Variants in PAH observed in about 807,000 individuals in gnomAD.
The protein encoded by PAH is phenylalanine hydroxylase.
A neutral mutation model predicts 62.0 loss-of-function variants in PAH; 64 were observed. The observed-to-expected ratio is 1.03, with a 90% CI of 0.84 to 1.27. PAH has a LOEUF of 1.27. PAH is among the 50% of genes most tolerant of loss of function. The pLI, the probability that PAH is intolerant of heterozygous loss-of-function variation, is 0.00. For synonymous variants in PAH, 195 were observed against 196.2 expected (o/e 0.99, Z 0.05); for missense variants, 579 against 542.8 (o/e 1.07, Z -0.66).
chr12:102,862,464 A>T (rs1875770540), intron 5 of PAH, among the ~76,000 whole-genome samples: 1 of 152,134 alleles, frequency 6.6e-6, no homozygotes, highest in African/African-American at 2.4e-5. Flanking sequence ...TTAATACCTG[A>T]GTGATGAAAT....
At chr12:102,949,657 T>C (rs969268840) in intron 1 of PAH, among the ~76,000 whole-genome samples, 2 of 152,176 alleles carry the variant, frequency 1.3e-5, no homozygotes, top group Non-Finnish European at 2.9e-5. Flanking sequence ...TGAATTGTTA[T>C]ATAGGAGAAG....
At chr12:102,940,435 A>G (rs1015152933) in intron 1 of PAH, among the ~76,000 whole-genome samples, 4 of 152,236 alleles carry the variant, frequency 2.6e-5, no homozygotes, top group African/African-American at 9.6e-5. Flanking sequence ...GGAATTCAGT[A>G]AAATGATTCA....
chr12:102,891,830 G>A (rs910054954), intron 3 of PAH, among the ~76,000 whole-genome samples: 1 of 152,124 alleles, frequency 6.6e-6, no homozygotes, highest in South Asian at 2.1e-4. Flanking sequence ...CTCCTCCAGG[G>A]GCTGGCTGTC....
At chr12:102,846,436 T>C (rs1874846338) in intron 9 of PAH, among the ~76,000 whole-genome samples, 1 of 152,154 alleles carries the variant, frequency 6.6e-6, no homozygotes, top group East Asian at 1.9e-4. Context: ...AGTGGACAAG[T>C]GTCATCAGAT....
At chr12:102,867,966 TA>T (rs1310833064) in intron 4 of PAH, among the ~76,000 whole-genome samples, 4 of 116,272 alleles carry the variant, frequency 3.4e-5, no homozygotes, top group Admixed American at 1.0e-4. Flanking sequence ...TAGATGTATA[TA>T]TACATGTATA....
intron 2 of PAH, among the ~76,000 whole-genome samples, chr12:102,896,785 C>T (rs1037569493): frequency 5.3e-5 from 8 of 152,088 alleles, no homozygotes; most frequent in South Asian, 2.1e-4. Context: ...AGGAATCCAA[C>T]GGGAAAAAAA....
chr12:102,845,059 C>T (rs1874776420), intron 9 of PAH, among the ~76,000 whole-genome samples: 3 of 152,158 alleles, frequency 2.0e-5, no homozygotes, highest in Admixed American at 1.3e-4. Flanking sequence ...GACTAGTACA[C>T]ACCTCAAAGA....
chr12:102,865,064 CCAGCTATCTATAGA>C (rs1875897480), intron 5 of PAH, among the ~76,000 whole-genome samples: 4 of 152,126 alleles, frequency 2.6e-5, no homozygotes, highest in Admixed American at 6.6e-5. Context: ...TTCTGAGAGT[CCAGCTATCTATAGA>C]TGATTTTCAG....
intron 1 of PAH, among the ~76,000 whole-genome samples, chr12:102,927,872 A>G (rs1291086294): frequency 6.6e-6 from 1 of 152,174 alleles, no homozygotes; most frequent in African/African-American, 2.4e-5. Context: ...TGGAATCAGG[A>G]GTGATATTTT....
At chr12:102,847,147 A>G in intron 8 of PAH, 196 bp from the exon 9 acceptor site, 1 of 614,292 alleles carries the variant, frequency 1.6e-6, no homozygotes, top group Non-Finnish European at 2.9e-6. Context: ...GGATCCTTCC[A>G]CCCTCACTTG....
upstream of PAH, among the ~76,000 whole-genome samples, chr12:102,952,950 C>G (rs1186258483): frequency 6.6e-6 from 1 of 152,142 alleles, no homozygotes; most frequent in Non-Finnish European, 1.5e-5. Flanking sequence ...GCAGGCTGGG[C>G]AGCAATCCTT....
At chr12:102,945,389 A>C (rs1565883983) in intron 1 of PAH, among the ~76,000 whole-genome samples, 1 of 152,220 alleles carries the variant, frequency 6.6e-6, no homozygotes, top group Non-Finnish European at 1.5e-5. Context: ...GGAAGCCCAT[A>C]CTGCAAGTAG....
intron 1 of PAH, among the ~76,000 whole-genome samples, chr12:102,937,331 T>C (rs1307764315): frequency 2.0e-5 from 3 of 152,230 alleles, no homozygotes; most frequent in African/African-American, 4.8e-5. Flanking sequence ...CTTTTTCTTC[T>C]TTCCCTCCTT....
intron 4 of PAH, among the ~76,000 whole-genome samples, chr12:102,871,949 AATATATATATATATATAT>A (rs1232144620): frequency 9.2e-4 from 28 of 30,324 alleles, no homozygotes; most frequent in African/African-American, 4.5e-3. Context: ...AAAAAAAAAA[AATATATATATATATATAT>A]ATATATATAT....
At chr12:102,956,062 C>T (rs950848478) in intron 1 of PAH, among the ~76,000 whole-genome samples, 4 of 152,184 alleles carry the variant, frequency 2.6e-5, no homozygotes, top group Non-Finnish European at 5.9e-5. Flanking sequence ...AGAGCAGCTC[C>T]CTGGGTCATC....
At chr12:102,918,576 T>C (rs933228051), upstream of PAH, among the ~76,000 whole-genome samples, 2 of 151,942 alleles carry the variant, frequency 1.3e-5, no homozygotes, top group African/African-American at 4.8e-5. Context: ...TTTTGTTTTT[T>C]TTTTTTGTTT....
At chr12:102,848,450 A>C (rs570770260) in intron 8 of PAH, among the ~76,000 whole-genome samples, 9 of 141,578 alleles carry the variant, frequency 6.4e-5, no homozygotes, top group Non-Finnish European at 9.4e-5. Context: ...ACAGGACACC[A>C]GGAGACTGGA....
intron 1 of PAH, among the ~76,000 whole-genome samples, chr12:102,935,251 G>C (rs1879058624): frequency 6.6e-6 from 1 of 151,970 alleles, no homozygotes; most frequent in Non-Finnish European, 1.5e-5. Context: ...AATCTCACGT[G>C]GTCTTGATGA....
chr12:102,951,938 C>T (rs1879775219), upstream of PAH, among the ~76,000 whole-genome samples: 2 of 152,016 alleles, frequency 1.3e-5, no homozygotes, highest in South Asian at 4.2e-4. Context: ...TCGTTACCAC[C>T]CACTGCACAC....
Sources: gnomAD v4.1 joint callset for allele counts (sites outside exome capture counted in the v4.1 genomes callset) on GRCh38, gnomAD v4.1.1 for gene constraint, MANE v1.5 for transcripts, NCBI Gene and HGNC (gene_info 2026-07-23, HGNC 2026-07-21) for gene names.